COL4A5: variants seen among roughly 807,000 people sequenced by gnomAD.
COL4A5 encodes collagen alpha-5(IV) chain.
In COL4A5, 26 loss-of-function variants were observed where a neutral mutation model predicts 130.2. That is an observed-to-expected ratio of 0.20 (90% confidence interval 0.15 to 0.28). The LOEUF (loss-of-function observed/expected upper bound fraction) is 0.28, where lower values mean the gene tolerates loss of function less well. Ranked by LOEUF, COL4A5 falls within the 10% of genes least tolerant of loss-of-function variation. The probability of loss-of-function intolerance (pLI) is 1.00; values close to 1 mark genes in which losing one functional copy is unlikely to be tolerated. For synonymous variants in COL4A5, 496 were observed against 439.6 expected, an observed-to-expected ratio of 1.13 and a Z score of -1.60; for missense variants, 1,131 against 1,344.3, an observed-to-expected ratio of 0.84 and a Z score of 2.48.
intron 2 of COL4A5, among the ~76,000 whole-genome samples, chrX:108,540,929 A>G (rs895994674): frequency 1.8e-5 from 2 of 112,339 alleles, no homozygotes; most frequent in African/African-American, 6.5e-5. Context: ...AGGAGATGGG[A>G]TCATACTCTT....
intron 36 of COL4A5, among the ~76,000 whole-genome samples, chrX:108,648,407 G>A (rs1423717490): frequency 3.6e-5 from 4 of 111,065 alleles, no homozygotes; most frequent in African/African-American, 9.8e-5. Context: ...CATTTTAGGA[G>A]GCCAGCATCA....
intron 36 of COL4A5, among the ~76,000 whole-genome samples, chrX:108,650,548 T>C (rs1482709143): frequency 1.8e-5 from 2 of 111,448 alleles, no homozygotes; most frequent in Non-Finnish European, 3.8e-5. Flanking sequence ...ATCAAAGAAC[T>C]GATAAGCTGT....
chrX:108,489,645 C>T (rs751817069), intron 1 of COL4A5, among the ~76,000 whole-genome samples: 5 of 111,768 alleles, frequency 4.5e-5, no homozygotes, highest in Admixed American at 9.5e-5. Context: ...CAAAATACTC[C>T]TGTAATAATA....
At chrX:108,455,832 A>G (rs1224397321) in intron 1 of COL4A5, among the ~76,000 whole-genome samples, 1 of 111,699 alleles carries the variant, frequency 9.0e-6, no homozygotes, top group Non-Finnish European at 1.9e-5. Flanking sequence ...AGTCTGTTCT[A>G]TTCACCTGTT....
At chrX:108,555,096 A>G (rs1053067515) in intron 2 of COL4A5, among the ~76,000 whole-genome samples, 4 of 112,219 alleles carry the variant, frequency 3.6e-5, no homozygotes, top group South Asian at 3.7e-4. Context: ...CCAGTTGACA[A>G]TGTAAAATCT....
At chrX:108,466,062 C>A (rs1005184906) in intron 1 of COL4A5, among the ~76,000 whole-genome samples, 1 of 111,530 alleles carries the variant, frequency 9.0e-6, no homozygotes, top group African/African-American at 3.3e-5. Context: ...TTTCAAAGTT[C>A]AACTTCATTG....
At chrX:108,469,282 G>T (rs1311593135) in intron 1 of COL4A5, among the ~76,000 whole-genome samples, 1 of 104,714 alleles carries the variant, frequency 9.5e-6, no homozygotes, top group East Asian at 3.0e-4. Context: ...GGGACTACAG[G>T]CACCTGTCAC....
chrX:108,632,265 C>G lies in COL4A5; in HGVS notation c.3246+5916C>G, dbSNP rs755573187. Reference sequence around the variant, plus strand: ...AAATTCCTCGACACATAGACTCCCCCCAAGACTAAACCAGGAAGAAGTTGA... The same window carrying G: ...AAATTCCTCGACACATAGACTCCCCGCAAGACTAAACCAGGAAGAAGTTGA... On this transcript the variant is annotated intron_variant, in intron 36 of 52. Transcript: ENST00000328300. Among the ~76,000 whole-genome samples the G allele has an allele frequency of 1.3e-3, 149 of 110,706 alleles. 1 individual carries two copies. The highest frequency in any genetic ancestry group is 2.5e-3 in the Non-Finnish European group (131 of 52,884).
intron 1 of COL4A5, among the ~76,000 whole-genome samples, chrX:108,497,680 A>T (rs2065046494): frequency 9.0e-6 from 1 of 111,600 alleles, no homozygotes; most frequent in Non-Finnish European, 1.9e-5. Context: ...CAATTTTCTT[A>T]TAAGTAAGGA....
intron 47 of COL4A5, among the ~76,000 whole-genome samples, chrX:108,685,547 G>C (rs2068526545): frequency 1.8e-5 from 2 of 112,204 alleles, no homozygotes; most frequent in Non-Finnish European, 3.8e-5. Flanking sequence ...GGCTGATTTG[G>C]TGGGCTATCA....
Position 108,571,431 on chromosome X carries a change from G to T in COL4A5, c.403G>T (p.Gly135Cys). 8.3e-7 allele frequency: 1 copy of T among 1,205,178 alleles called. No individual in the cohort carries two copies. The highest frequency in any genetic ancestry group is 1.8e-5 in the South Asian group (1 of 56,796). Residue 135 changes from glycine (G) to cysteine (C), a missense_variant, in exon 7 of 53, where the codon GGC becomes TGC. Transcript: ENST00000328300. ...CTTCTAGGGAGAACGTGGATTTCCA[G>T]GCAGTCCCGGTTTTCCTGGTTTACA... ...NGTKGERGFP[G>C]SPGFPGLQGP...
intron 36 of COL4A5, among the ~76,000 whole-genome samples, chrX:108,639,391 G>A (rs1228709577): frequency 2.7e-5 from 3 of 111,355 alleles, no homozygotes; most frequent in African/African-American, 9.8e-5. Flanking sequence ...AAAAAAGAAT[G>A]AAGACCTAAA....
intron 1 of COL4A5, among the ~76,000 whole-genome samples, chrX:108,517,118 A>G (rs1049087890): frequency 8.9e-6 from 1 of 111,754 alleles, no homozygotes; most frequent in Non-Finnish European, 1.9e-5. Context: ...TAACACATCA[A>G]TCCCATGTAT....
intron 1 of COL4A5, among the ~76,000 whole-genome samples, chrX:108,446,498 A>G (rs746661198): frequency 3.6e-5 from 4 of 112,424 alleles, no homozygotes; most frequent in South Asian, 3.7e-4. Flanking sequence ...TCTTTGATAC[A>G]TACAGTAGAC....
At chrX:108,543,183 A>G (rs1459966580) in intron 2 of COL4A5, among the ~76,000 whole-genome samples, 1 of 110,361 alleles carries the variant, frequency 9.1e-6, no homozygotes, top group Non-Finnish European at 1.9e-5. Context: ...GTCCTTGCCC[A>G]TGCCTATGTC....
intron 9 of COL4A5, among the ~76,000 whole-genome samples, chrX:108,575,339 C>A (rs1413440737): frequency 2.7e-5 from 3 of 111,875 alleles, no homozygotes; most frequent in Non-Finnish European, 5.6e-5. Flanking sequence ...TAACTAAATG[C>A]ATACCTTTAT....
chrX:108,678,775 T>C (rs1322689772), intron 44 of COL4A5, among the ~76,000 whole-genome samples: 1 of 111,394 alleles, frequency 9.0e-6, no homozygotes, highest in Non-Finnish European at 1.9e-5. Context: ...CATTAATTTC[T>C]ATCTTTCATA....
At chrX:108,521,547 C>A (rs1478317472) in intron 1 of COL4A5, among the ~76,000 whole-genome samples, 1 of 111,385 alleles carries the variant, frequency 9.0e-6, no homozygotes, top group Non-Finnish European at 1.9e-5. Flanking sequence ...TAACCTATTG[C>A]ACTGCATGTG....
chrX:108,569,445 A>G (rs2066024704), intron 6 of COL4A5, among the ~76,000 whole-genome samples: 1 of 111,582 alleles, frequency 9.0e-6, no homozygotes, highest in Admixed American at 9.5e-5. Context: ...GTTGGATTGA[A>G]TATAAAGTAA....
Sources: gnomAD v4.1 joint callset for allele counts (sites outside exome capture counted in the v4.1 genomes callset) on GRCh38, gnomAD v4.1.1 for gene constraint, MANE v1.5 for transcripts, NCBI Gene and HGNC (gene_info 2026-07-23, HGNC 2026-07-21) for gene names.